MUC5AC: variants seen among roughly 807,000 people sequenced by gnomAD.
MUC5AC encodes mucin-5AC.
MUC5AC carries 158 observed loss-of-function variants against 169.7 expected under a neutral mutation model. That is an observed-to-expected ratio of 0.93 (90% CI 0.82 to 1.06). The LOEUF is 1.06. Ranked by LOEUF, MUC5AC falls within the 50% of genes least tolerant of loss-of-function variation. The probability of loss-of-function intolerance (pLI) is 0.00; values close to 1 mark genes in which losing one functional copy is unlikely to be tolerated. For missense variants in MUC5AC, 4,359 were observed against 3,089.9 expected (o/e 1.41, Z -9.74); for synonymous variants, 1,975 against 1,237.0 (o/e 1.60, Z -12.52).
intron 19 of MUC5AC, 29 bp from the exon 20 acceptor site, chr11:1,176,122 T>TG (rs1267562799): frequency 1 from 398,672 of 398,674 alleles, 199,335 homozygotes; most frequent in Non-Finnish European, 1. Context: ...AGCCTGTGGC[T>TG]GGCCCCCTGA....
At chr11:1,200,257 G>A (rs890769259) in intron 48 of MUC5AC, among the ~76,000 whole-genome samples, 181 bp from the exon 49 acceptor site, 3 of 152,238 alleles carry the variant, frequency 2.0e-5, no homozygotes, top group South Asian at 2.1e-4. Context: ...AGCCGGGGTC[G>A]GCCCTGGTGG....
At chr11:1,177,377 G>A in intron 23 of MUC5AC, 33 bp downstream of exon 23, 1 of 419,670 alleles carries the variant, frequency 2.4e-6, no homozygotes, top group Non-Finnish European at 4.2e-6. Context: ...ATGCCCTCCA[G>A]GAGGCTCCCA....
rs1204279823 is a variant in MUC5AC at position 1,191,305 on chromosome 11, C to T, written c.13160C>T (p.Ser4387Phe). ...PSPVPTTSTT[S>F]APTTRTTSAS... ...CCTGTTCCCACCACCAGCACAACCT[C>T]TGCTCCTACAACCAGAACAACCTCT... Residue 4387 changes from serine to phenylalanine, a missense_variant, in exon 31 of 49, where the codon TCT becomes TTT. Ser to Phe is a radical substitution (Grantham distance 155). Transcript: ENST00000621226. The T allele has an allele frequency of 6.7e-6, 5 of 744,652 alleles. No homozygotes were observed. Among genetic ancestry groups the T allele is most frequent in the Non-Finnish European group, 1.2e-5 (5 of 407,896 alleles). 46.1% of individuals were successfully genotyped at this position (744,652 alleles called of 1,614,324 possible). A position where few individuals can be genotyped will look rare whatever the true frequency, so the allele number is the denominator to read the frequency against.
intron 48 of MUC5AC, 71 bp from the exon 49 acceptor site, chr11:1,200,367 G>C (rs1399203033): frequency 1.6e-6 from 1 of 621,806 alleles, no homozygotes; most frequent in Non-Finnish European, 2.9e-6. Context: ...CCCAGAGCTC[G>C]GCACGGCGCC....
rs1374776359 is a variant in MUC5AC at position 1,175,252 on chromosome 11, G to A, written c.2383G>A (p.Gly795Ser). ...CTHGKLSCIG[G>S]QAPAPVCAAP... ...ACATGGGAAGCTGAGCTGCATCGGAGGCCAAGCCCCCGCCCCAGGTGAGTG... is the reference window on the plus strand; with the variant it reads ...ACATGGGAAGCTGAGCTGCATCGGAAGCCAAGCCCCCGCCCCAGGTGAGTG... The change falls in exon 19 of 49, where the codon GGC becomes AGC. Residue 795 changes from glycine (G) to serine (S), a missense_variant. Physicochemically the swap from Gly to Ser is moderately conservative, Grantham distance 56. Transcript: ENST00000621226. 1.0e-5 allele frequency: 4 copies of A among 398,572 alleles called. No homozygotes were observed. Among genetic ancestry groups the A allele is most frequent in the Non-Finnish European group, 1.8e-5 (4 of 226,124 alleles). The allele number at this position is 398,572 out of a possible 1,614,324, so 24.7% of individuals were successfully genotyped here. A position where few individuals can be genotyped will look rare whatever the true frequency, so the allele number is the denominator to read the frequency against.
intron 2 of MUC5AC, among the ~76,000 whole-genome samples, chr11:1,160,950 G>C (rs905195441): frequency 6.6e-6 from 1 of 152,226 alleles, no homozygotes. Context: ...CCCATGTCCC[G>C]TGGGAGCCGG....
chr11:1,199,476 C>T lies in MUC5AC; in HGVS notation c.16501C>T (p.Leu5501Phe), dbSNP rs1458697576. ...VVTTKKACPP[L>F]SCSLDEARMS... Reference sequence around the variant, plus strand: ...CACCACGAAGAAGGCGTGCCCCCCGCTCAGCTGTTCTCTGGTGAGGTCCAG... The same window carrying T: ...CACCACGAAGAAGGCGTGCCCCCCGTTCAGCTGTTCTCTGGTGAGGTCCAG... Residue 5501 changes from leucine to phenylalanine, a missense_variant, in exon 46 of 49, where the codon CTC becomes TTC. Transcript: ENST00000621226. 1 of 715,148 alleles carries T rather than the reference C, an allele frequency of 1.4e-6. No homozygotes were observed. Among genetic ancestry groups the T allele is most frequent in the Admixed American group, 1.9e-5 (1 of 51,986 alleles). 44.3% of individuals were successfully genotyped at this position (715,148 alleles called of 1,614,324 possible). A position where few individuals can be genotyped will look rare whatever the true frequency, so the allele number is the denominator to read the frequency against.
rs1861315256 is a variant in MUC5AC at position 1,197,752 on chromosome 11, G to C, written c.16033+113G>C. Reference sequence around the variant, plus strand: ...GTGCACCTGGGGACAGTGCCTACGAGGGCGTCCCCTCCTCCGCTTCCGCAA... The same window carrying C: ...GTGCACCTGGGGACAGTGCCTACGACGGCGTCCCCTCCTCCGCTTCCGCAA... On this transcript the variant is annotated intron_variant, in intron 41 of 48. Transcript: ENST00000621226. 24 of 629,686 alleles carry C rather than the reference G, an allele frequency of 3.8e-5. No homozygotes were observed. The South Asian group carries it at 4.3e-4, about 11-fold the overall frequency. 39.0% of individuals were successfully genotyped at this position (629,686 alleles called of 1,614,324 possible). A position where few individuals can be genotyped will look rare whatever the true frequency, so the allele number is the denominator to read the frequency against.
In MUC5AC at chr11:1,199,194, T is replaced by G; in HGVS notation, c.16395+9T>G. On this transcript the variant is annotated intron_variant, in intron 45 of 48. Coordinates refer to ENST00000621226, the MANE Select transcript of MUC5AC (RefSeq NM_001304359.2). ...CCGCCCACCTCTTCTACGTGAGTAGTGGCTGCCACAAAGAGGAAGGGCAGG... is the reference window on the plus strand; with the variant it reads ...CCGCCCACCTCTTCTACGTGAGTAGGGGCTGCCACAAAGAGGAAGGGCAGG... 2.6e-6 allele frequency: 2 copies of G among 757,822 alleles called. No homozygotes were observed. Among genetic ancestry groups the G allele is most frequent in the Non-Finnish European group, 4.8e-6 (2 of 415,082 alleles). 46.9% of individuals were successfully genotyped at this position (757,822 alleles called of 1,614,324 possible).
intron 26 of MUC5AC, among the ~76,000 whole-genome samples, chr11:1,179,597 G>C (rs1590142672): frequency 0.091 from 12,338 of 135,604 alleles, 1,974 homozygotes; most frequent in Non-Finnish European, 0.12. Flanking sequence ...TTGGGCAGAG[G>C]GTTCAGCAGA....
At position 1,175,013 on chromosome 11, in the gene MUC5AC, A is replaced by T; in HGVS notation, c.2224A>T (p.Ile742Phe). 1 of 404,644 alleles carries T rather than the reference A, an allele frequency of 2.5e-6. No homozygotes were observed. Among genetic ancestry groups the T allele is most frequent in the East Asian group, 3.6e-5 (1 of 28,118 alleles). The allele number at this position is 404,644 out of a possible 1,614,324, so 25.1% of individuals were successfully genotyped here. The change falls in exon 18 of 49, where the codon ATC becomes TTC. Residue 742 changes from isoleucine (I) to phenylalanine (F), a missense_variant. By Grantham distance (21) the Ile-to-Phe change is conservative. Coordinates refer to ENST00000621226, the MANE Select transcript of MUC5AC (RefSeq NM_001304359.2). ...TGGCTTCATCCCCGTGGATGGCTGC[A>T]TCTGTCCCAAGGGCACCTTCCTGGA... ...SVGFIPVDGCICPKGTFLDDT... is the reference protein window; with the variant it reads ...SVGFIPVDGCFCPKGTFLDDT...
chr11:1,198,945 C>T lies in MUC5AC; in HGVS notation c.16245C>T (p.Asp5415=), dbSNP rs34831688. 0.16 allele frequency: 119,952 copies of T among 762,746 alleles called. 11,168 individuals carry two copies. The highest frequency in any genetic ancestry group is 0.19 in the Non-Finnish European group (80,886 of 416,890). The allele number at this position is 762,746 out of a possible 1,614,324, so 47.2% of individuals were successfully genotyped here. A position where few individuals can be genotyped will look rare whatever the true frequency, so the allele number is the denominator to read the frequency against. ...AGCTGCCGGGTGGCCCCCCATCGGACGCGTTTGTGGTCAGCTGTGAGACCC... is the reference window on the plus strand; with the variant it reads ...AGCTGCCGGGTGGCCCCCCATCGGATGCGTTTGTGGTCAGCTGTGAGACCC... ...RCELPGGPPS[D]AFVVSCETQI... is the part of the protein sequence containing the mutation. The change falls in exon 44 of 49, where the codon GAC becomes GAT. Residue 5415 remains aspartate (D), a synonymous_variant. Coordinates refer to ENST00000621226, the MANE Select transcript of MUC5AC (RefSeq NM_001304359.2).
At chr11:1,168,417 A>G (rs1314766424) in intron 12 of MUC5AC, 66 bp from the exon 13 acceptor site, 1 of 1,496,492 alleles carries the variant, frequency 6.7e-7, no homozygotes, top group Non-Finnish European at 9.2e-7. Flanking sequence ...CACATTTCAC[A>G]GCCTCCGCGG....
intron 1 of MUC5AC, 115 bp downstream of exon 1, chr11:1,158,187 C>A: frequency 1.1e-6 from 1 of 920,782 alleles, no homozygotes; most frequent in Non-Finnish European, 1.6e-6. Context: ...CCATGAACGG[C>A]TCCCAGCAGC....
chr11:1,187,495 C>A lies in MUC5AC; in HGVS notation c.9350C>A (p.Thr3117Asn). ...STTSASTASK[T>N]SGLGTTPSPI... ...ACCTCTGCCTCTACAGCCAGCAAAA[C>A]CTCTGGTCTTGGAACTACTCCCAGC... The change falls in exon 31 of 49, where the codon ACC (threonine) becomes AAC (asparagine). Residue 3117 changes from threonine to asparagine, a missense_variant. Transcript: ENST00000621226. 1.4e-6 allele frequency: 1 copy of A among 738,660 alleles called. No homozygotes were observed. The highest frequency in any genetic ancestry group is 2.5e-6 in the Non-Finnish European group (1 of 404,768). The allele number at this position is 738,660 out of a possible 1,614,324, so 45.8% of individuals were successfully genotyped here.
intron 39 of MUC5AC, 61 bp downstream of exon 39, chr11:1,196,781 G>T: frequency 1.4e-6 from 1 of 730,258 alleles, no homozygotes; most frequent in Middle Eastern, 2.3e-4. Flanking sequence ...CTGTTGGCCA[G>T]GTCCTGGGGT....
At position 1,200,693 on chromosome 11, in the gene MUC5AC, C is replaced by G; in HGVS notation, c.16956C>G (p.Pro5652=). 1.3e-6 allele frequency: 1 copy of G among 750,232 alleles called. No individual in the cohort carries two copies. The highest frequency in any genetic ancestry group is 2.5e-6 in the Non-Finnish European group (1 of 407,490). The allele number at this position is 750,232 out of a possible 1,614,324, so 46.5% of individuals were successfully genotyped here. A position where few individuals can be genotyped will look rare whatever the true frequency, so the allele number is the denominator to read the frequency against. ...GSWERGVPVS[P]MH ...GGGAGAGAGGCGTCCCAGTGTCCCC[C>G]ATGCACTGACCAGCACTGCCGCCCT... is the stretch of plus-strand genomic sequence containing the variant. The change falls in exon 49 of 49, where the codon CCC becomes CCG. Residue 5652 remains proline (P), a synonymous_variant. Coordinates refer to ENST00000621226, the MANE Select transcript of MUC5AC (RefSeq NM_001304359.2).
Position 1,161,907 on chromosome 11 carries a change from C to A in MUC5AC, c.212C>A (p.Ala71Asp), listed in dbSNP as rs751723672. Residue 71 changes from alanine to aspartate, a missense_variant and splice_region_variant, in exon 4 of 49, where the codon GCC (alanine) becomes GAC (aspartate). Ala to Asp is a moderately radical substitution (Grantham distance 126). Coordinates refer to ENST00000621226, the MANE Select transcript of MUC5AC (RefSeq NM_001304359.2). ...PSLRTIPVVR[A>D]SNPAHNGRVC... Reference sequence around the variant, plus strand: ...AAACACCATGCTGCTTCCACCGCAGCCTCCAACCCGGCGCACAACGGGCGG... The same window carrying A: ...AAACACCATGCTGCTTCCACCGCAGACTCCAACCCGGCGCACAACGGGCGG... 310 of 1,610,896 alleles carry A rather than the reference C, an allele frequency of 1.9e-4. No individual in the cohort carries two copies. The highest frequency in any genetic ancestry group is 2.5e-4 in the Non-Finnish European group (295 of 1,179,276).
intron 17 of MUC5AC, 124 bp downstream of exon 17, chr11:1,174,746 C>T (rs1033798985): frequency 7.3e-5 from 36 of 491,976 alleles, no homozygotes; most frequent in African/African-American, 4.6e-4. Context: ...GGGCAAGGAG[C>T]GCCCAGGTCA....
Sources: allele counts gnomAD v4.1 joint callset (sites outside exome capture counted in the v4.1 genomes callset), GRCh38; gene constraint gnomAD v4.1.1; transcripts MANE v1.5; gene names NCBI Gene and HGNC (gene_info 2026-07-23, HGNC 2026-07-21).